TEKT3: variants seen among roughly 807,000 people sequenced by gnomAD.
TEKT3 encodes tektin 3.
TEKT3 carries 49 observed loss-of-function variants against 49.8 expected under a neutral mutation model. That is an observed-to-expected ratio of 0.98 (90% CI 0.78 to 1.25). The LOEUF is 1.25. Among genes scored for constraint, TEKT3 ranks in the 50% most tolerant of loss-of-function variants. The probability of loss-of-function intolerance (pLI) is 0.00; values close to 1 mark genes in which losing one functional copy is unlikely to be tolerated. For synonymous variants in TEKT3, 225 were observed against 237.2 expected (o/e 0.95, Z 0.47); for missense variants, 595 against 629.5 (o/e 0.95, Z 0.59).
upstream of TEKT3, among the ~76,000 whole-genome samples, chr17:15,343,358 G>C (rs557808709): frequency 6.6e-6 from 1 of 152,252 alleles, no homozygotes; most frequent in Admixed American, 6.5e-5. Context: ...AAATAATTTA[G>C]ATACCCTCTC....
intron 3 of TEKT3, among the ~76,000 whole-genome samples, chr17:15,329,224 A>AT (rs1211439083): frequency 6.6e-6 from 1 of 152,046 alleles, no homozygotes; most frequent in Non-Finnish European, 1.5e-5. Flanking sequence ...AAGCTTTAAC[A>AT]TTTTTTCTTA....
intron 2 of TEKT3, among the ~76,000 whole-genome samples, chr17:15,333,252 T>A (rs558394400): frequency 1.3e-5 from 2 of 152,308 alleles, no homozygotes; most frequent in African/African-American, 4.8e-5. Flanking sequence ...TACAATCAGA[T>A]CCAATTCTAT....
intron 8 of TEKT3, 136 bp downstream of exon 8, chr17:15,308,528 C>T: frequency 1.7e-6 from 2 of 1,186,868 alleles, no homozygotes; most frequent in Non-Finnish European, 2.4e-6. Flanking sequence ...CATTCAACAT[C>T]TCCCCATTAC....
intron 3 of TEKT3, among the ~76,000 whole-genome samples, chr17:15,329,304 C>T (rs1045930143): frequency 6.6e-6 from 1 of 152,168 alleles, no homozygotes; most frequent in Non-Finnish European, 1.5e-5. Flanking sequence ...AAAAAGGACC[C>T]TCTAATACTG....
intron 3 of TEKT3, 72 bp from the exon 4 acceptor site, chr17:15,328,147 T>C: frequency 7.0e-7 from 1 of 1,429,280 alleles, no homozygotes; most frequent in Non-Finnish European, 9.8e-7. Context: ...TAATAATTTG[T>C]TTCAAAAATA....
chr17:15,312,554 T>C, intron 6 of TEKT3, 73 bp from the exon 7 acceptor site: 5 of 1,379,384 alleles, frequency 3.6e-6, no homozygotes, highest in Non-Finnish European at 5.1e-6. Flanking sequence ...GGCAATCATT[T>C]ATCCTGAGAG....
chr17:15,308,570 C>T lies in TEKT3; in HGVS notation c.1256+94G>A, dbSNP rs143547735. The T allele has an allele frequency of 9.9e-4, 1,487 of 1,498,806 alleles. 12 individuals are homozygous for T. The African/African-American group carries it at 0.018, about 18-fold the overall frequency. The allele number at this position is 1,498,806 out of a possible 1,614,324, so 92.8% of individuals were successfully genotyped here. A position where few individuals can be genotyped will look rare whatever the true frequency, so the allele number is the denominator to read the frequency against. On this transcript the variant is annotated intron_variant, in intron 8 of 8. Coordinates refer to ENST00000395930, the MANE Select transcript of TEKT3 (RefSeq NM_031898.3). ...TCTCACAGAAGGCTCCTACATGCTGCGTATGGGCAGAAAGCAGCTTTCTAA... is the reference window on the plus strand; with the variant it reads ...TCTCACAGAAGGCTCCTACATGCTGTGTATGGGCAGAAAGCAGCTTTCTAA...
rs759037038 is a variant in TEKT3, at chr17:15,303,885, C to A, written c.*51G>T. 10 of 1,538,330 alleles carry A rather than the reference C, an allele frequency of 6.5e-6. No homozygotes were observed. Among genetic ancestry groups the A allele is most frequent in the African/African-American group, 1.4e-5 (1 of 73,260 alleles). On this transcript the variant is annotated 3_prime_UTR_variant, in exon 9 of 9. Coordinates refer to ENST00000395930, the MANE Select transcript of TEKT3 (RefSeq NM_031898.3). ...ATTCGGTTCAAATGCTGAGACAGTG[C>A]TCTGGCTCAGCCTTAACTTAGGGGT...
At chr17:15,341,094 C>T (rs976949726) in intron 1 of TEKT3, among the ~76,000 whole-genome samples, 2 of 152,206 alleles carry the variant, frequency 1.3e-5, no homozygotes, top group Non-Finnish European at 2.9e-5. Flanking sequence ...TGATTGAACT[C>T]TCCTCCCCGT....
intron 4 of TEKT3, among the ~76,000 whole-genome samples, chr17:15,324,027 C>T (rs1004526688): frequency 1.3e-5 from 2 of 152,138 alleles, no homozygotes; most frequent in African/African-American, 4.8e-5. Context: ...ATCACCGGAA[C>T]CAAATTTAAA....
chr17:15,321,399 C>CCAAAGCCAAAGGCCTCTGG (rs145755203), intron 4 of TEKT3, among the ~76,000 whole-genome samples: 14,761 of 152,024 alleles, frequency 0.097, 842 homozygotes, highest in East Asian at 0.21. Flanking sequence ...TACAAAAAGC[C>CCAAAGCCAAAGGCCTCTGG]CAAAGCCAAA....
chr17:15,327,156 G>GA (rs201138913), intron 4 of TEKT3, among the ~76,000 whole-genome samples: 19,070 of 135,998 alleles, frequency 0.14, 1,313 homozygotes, highest in East Asian at 0.23. Flanking sequence ...ATGATTGATT[G>GA]AAAAAAAAAA....
chr17:15,311,021 C>T (rs748857684), intron 7 of TEKT3: 3 of 152,174 alleles, frequency 2.0e-5, no homozygotes, highest in African/African-American at 4.8e-5. Context: ...TCCTTCCAAA[C>T]CCCAAAAACA....
At chr17:15,305,530 T>C (rs965346130) in intron 8 of TEKT3, among the ~76,000 whole-genome samples, 1 of 152,148 alleles carries the variant, frequency 6.6e-6, no homozygotes, top group Non-Finnish European at 1.5e-5. Context: ...AAAATATCAC[T>C]AGCAAAGAAA....
Position 15,331,009 on chromosome 17 carries a change from GAA to G in TEKT3, c.575_576del (p.Leu192ProfsTer22). 1 of 1,606,956 alleles carries G rather than the reference GAA, an allele frequency of 6.2e-7. No homozygotes were observed. The highest frequency in any genetic ancestry group is 8.5e-7 in the Non-Finnish European group (1 of 1,176,508). ...TGTGTTCTATCATAAGGTCTTACCT[GAA>G]GAGGGGCTTCAGTCTCCATCAAAGC... ...ERALMETEAPLQVARECLFHR... is the reference protein window; with the variant it reads ...ERALMETEAPXQVARECLFHR... On this transcript the variant is annotated frameshift_variant, in exon 3 of 9. Transcript: ENST00000395930. LOFTEE classifies it high-confidence loss of function.
intron 8 of TEKT3, among the ~76,000 whole-genome samples, chr17:15,306,089 A>ATATATATATG (rs1291765039): frequency 7.5e-4 from 108 of 144,404 alleles, no homozygotes; most frequent in African/African-American, 2.5e-3. Context: ...ATTTATATAT[A>ATATATATATG]TGTGTGTGTG....
intron 8 of TEKT3, among the ~76,000 whole-genome samples, chr17:15,306,081 T>TTATATATATATA (rs142438638): frequency 1.3e-4 from 17 of 132,796 alleles, no homozygotes; most frequent in African/African-American, 1.8e-4. Context: ...CACAGTTTAT[T>TTATATATATATA]TATATATATG....
chr17:15,320,634 G>C (rs1247012173), intron 4 of TEKT3, among the ~76,000 whole-genome samples: 1 of 152,128 alleles, frequency 6.6e-6, no homozygotes, highest in East Asian at 1.9e-4. Context: ...TCACCCTACT[G>C]TCTGGTTGTT....
intron 4 of TEKT3, among the ~76,000 whole-genome samples, chr17:15,321,100 C>A (rs918149972): frequency 2.0e-5 from 3 of 151,922 alleles, no homozygotes; most frequent in African/African-American, 7.3e-5. Context: ...AGCTCCACCC[C>A]CCGGGTTCAC....
Sources: allele counts gnomAD v4.1 joint callset (sites outside exome capture counted in the v4.1 genomes callset), GRCh38; gene constraint gnomAD v4.1.1; transcripts MANE v1.5; gene names NCBI Gene and HGNC (gene_info 2026-07-23, HGNC 2026-07-21).